Variants in PLXDC2 observed in about 807,000 individuals in gnomAD.
PLXDC2 encodes plexin domain-containing protein 2.
In PLXDC2, 40 loss-of-function variants were observed where a neutral mutation model predicts 68.9. That is an observed-to-expected ratio of 0.58 (90% CI 0.45 to 0.76). The LOEUF (loss-of-function observed/expected upper bound fraction) is 0.76, where lower values mean the gene tolerates loss of function less well. Among genes scored for constraint, PLXDC2 ranks in the 30% least tolerant of loss-of-function variants. The pLI is 0.00. For synonymous variants in PLXDC2, 243 were observed against 234.2 expected, an observed-to-expected ratio of 1.04 and a Z score of -0.34; for missense variants, 644 against 661.9, an observed-to-expected ratio of 0.97 and a Z score of 0.30.
At chr10:19,872,859 A>G (rs1837565862) in intron 1 of PLXDC2, among the ~76,000 whole-genome samples, 1 of 152,150 alleles carries the variant, frequency 6.6e-6, no homozygotes, top group Non-Finnish European at 1.5e-5. Context: ...ACCCTGGGAC[A>G]CGCTTTTAAA....
chr10:19,989,331 T>G (rs11596930), intron 1 of PLXDC2, among the ~76,000 whole-genome samples: 9,628 of 152,312 alleles, frequency 0.063, 379 homozygotes, highest in Middle Eastern at 0.13. Context: ...ATTCTACTCA[T>G]AAATTTTTTC....
chr10:20,256,196 A>G lies in PLXDC2; in HGVS notation c.1473+10691A>G, dbSNP rs13376876. 6.0e-3 allele frequency among the ~76,000 whole-genome samples: 917 copies of G among 151,862 alleles called. 7 individuals carry two copies. The highest frequency in any genetic ancestry group is 0.02 in the African/African-American group (838 of 41,382). ...TGCCGAGGCTCGGGTACAGTGGCAC[A>G]ATTTCAGCTCACTGCAACCTCTGCC... is the stretch of plus-strand genomic sequence containing the variant. On this transcript the variant is annotated intron_variant, in intron 13 of 13. Transcript: ENST00000377252.
intron 4 of PLXDC2, among the ~76,000 whole-genome samples, chr10:20,068,670 C>T (rs1005300117): frequency 2.0e-5 from 3 of 149,048 alleles, no homozygotes; most frequent in African/African-American, 7.3e-5. Context: ...TATATATATA[C>T]ACAAAAACAC....
At chr10:19,825,325 C>G (rs1836550821) in intron 1 of PLXDC2, among the ~76,000 whole-genome samples, 1 of 152,062 alleles carries the variant, frequency 6.6e-6, no homozygotes, top group South Asian at 2.1e-4. Flanking sequence ...AGAGTTTGCC[C>G]TATGGAAAAA....
chr10:20,013,614 T>G (rs2131646545), intron 2 of PLXDC2, among the ~76,000 whole-genome samples: 1 of 152,344 alleles, frequency 6.6e-6, no homozygotes, highest in African/African-American at 2.4e-5. Context: ...CATTTAAAAC[T>G]AGTACAGAGT....
chr10:20,140,442 C>CTATCTATCTATCTAACTATCTATCT (rs34794355), intron 4 of PLXDC2, among the ~76,000 whole-genome samples: 13 of 145,416 alleles, frequency 8.9e-5, no homozygotes, highest in African/African-American at 3.3e-4. Context: ...TCTATCTATC[C>CTATCTATCTATCTAACTATCTATCT]GTCTAATCTT....
chr10:20,237,873 A>G (rs1247574638), intron 12 of PLXDC2, among the ~76,000 whole-genome samples: 1 of 152,196 alleles, frequency 6.6e-6, no homozygotes, highest in Non-Finnish European at 1.5e-5. Flanking sequence ...TAAGCCCAGG[A>G]GAAGAGTTAG....
intron 2 of PLXDC2, among the ~76,000 whole-genome samples, chr10:20,021,697 A>ATTTATTTATTTATTTT (rs1835312786): frequency 6.7e-6 from 1 of 149,740 alleles, no homozygotes; most frequent in Non-Finnish European, 1.5e-5. Context: ...TTATTTATTT[A>ATTTATTTATTTATTTT]TTTATTATTT....
intron 1 of PLXDC2, among the ~76,000 whole-genome samples, chr10:19,826,620 G>A (rs965936138): frequency 6.6e-6 from 1 of 152,094 alleles, no homozygotes; most frequent in Non-Finnish European, 1.5e-5. Context: ...ATTGCTCAGT[G>A]CTTTATTTTC....
At position 20,281,906 on chromosome 10, in the gene PLXDC2, A is replaced by G. The variant is rs1836086674; in HGVS notation, c.*2087A>G. On this transcript the variant is annotated 3_prime_UTR_variant, in exon 14 of 14. Coordinates refer to ENST00000377252, the MANE Select transcript of PLXDC2 (RefSeq NM_032812.9). ...CCTTTTGTGGTAGCTGTGGCTTCCA[A>G]TAGCAACTGTTTGACAGTTATATAA... The G allele has an allele frequency of 6.6e-6, 1 of 152,156 alleles. No individual in the cohort carries two copies. The highest frequency in any genetic ancestry group is 2.4e-5 in the African/African-American group (1 of 41,434). 9.4% of individuals were successfully genotyped at this position (152,156 alleles called of 1,614,324 possible). A position where few individuals can be genotyped will look rare whatever the true frequency, so the allele number is the denominator to read the frequency against.
At chr10:20,073,297 A>C (rs892204596) in intron 4 of PLXDC2, among the ~76,000 whole-genome samples, 2 of 152,190 alleles carry the variant, frequency 1.3e-5, no homozygotes, top group Non-Finnish European at 2.9e-5. Flanking sequence ...CTTGAAATCT[A>C]TCTCTCTCCA....
intron 4 of PLXDC2, among the ~76,000 whole-genome samples, chr10:20,112,670 T>C (rs1833574343): frequency 1.3e-5 from 2 of 152,362 alleles, no homozygotes; most frequent in Non-Finnish European, 1.5e-5. Flanking sequence ...TTTTTAAGTA[T>C]AGAAATTTTC....
At chr10:19,872,086 A>G (rs1837548934) in intron 1 of PLXDC2, among the ~76,000 whole-genome samples, 1 of 152,128 alleles carries the variant, frequency 6.6e-6, no homozygotes, top group Non-Finnish European at 1.5e-5. Context: ...GTAGGCTGCA[A>G]TGCTGGTTTG....
At chr10:20,244,970 C>T (rs768343281) in intron 12 of PLXDC2, among the ~76,000 whole-genome samples, 2 of 152,080 alleles carry the variant, frequency 1.3e-5, no homozygotes, top group African/African-American at 2.4e-5. Flanking sequence ...CAAAATTAGC[C>T]GGGTGTGGTG....
chr10:19,960,986 T>G (rs1489226254), intron 1 of PLXDC2, among the ~76,000 whole-genome samples: 1 of 152,214 alleles, frequency 6.6e-6, no homozygotes, highest in Non-Finnish European at 1.5e-5. Context: ...TTGACTTGTA[T>G]TTCTGTGTTG....
intron 2 of PLXDC2, among the ~76,000 whole-genome samples, chr10:20,044,211 G>GTCTTTCTT (rs1226746835): frequency 0.012 from 817 of 68,542 alleles, 28 homozygotes; most frequent in South Asian, 0.019. Context: ...CTCTCTCTCT[G>GTCTTTCTT]TCTTTCTTTC....
At chr10:20,242,766 A>G (rs1008184567) in intron 12 of PLXDC2, among the ~76,000 whole-genome samples, 2 of 152,132 alleles carry the variant, frequency 1.3e-5, no homozygotes, top group Admixed American at 1.3e-4. Context: ...GCTGGAGTGC[A>G]GTGGCAGGAT....
chr10:19,987,053 A>G (rs770775026), intron 1 of PLXDC2, among the ~76,000 whole-genome samples: 7 of 152,200 alleles, frequency 4.6e-5, no homozygotes, highest in Non-Finnish European at 1.0e-4. Flanking sequence ...AATTTTCTCA[A>G]GTACTACCAC....
chr10:19,968,560 G>A (rs1396346371), intron 1 of PLXDC2, among the ~76,000 whole-genome samples: 2 of 152,062 alleles, frequency 1.3e-5, no homozygotes, highest in African/African-American at 4.8e-5. Flanking sequence ...TGATACACCT[G>A]CCTTGGCCGC....
Sources: allele counts gnomAD v4.1 joint callset (sites outside exome capture counted in the v4.1 genomes callset), GRCh38; gene constraint gnomAD v4.1.1; transcripts MANE v1.5; gene names NCBI Gene and HGNC (gene_info 2026-07-23, HGNC 2026-07-21).